Variants in PDE4D observed in about 807,000 individuals in gnomAD.
PDE4D encodes the protein 3',5'-cyclic-AMP phosphodiesterase 4D.
Under a neutral mutation model 87.4 loss-of-function variants are expected in PDE4D, and 24 were observed. The observed-to-expected ratio is 0.27, with a 90% CI of 0.20 to 0.39. PDE4D has a LOEUF of 0.39. PDE4D is among the 10% of genes least tolerant of loss of function. The pLI, the probability that PDE4D is intolerant of heterozygous loss-of-function variation, is 1.00. For synonymous variants in PDE4D, 384 were observed against 383.2 expected, an observed-to-expected ratio of 1.00 and a Z score of -0.02; for missense variants, 714 against 1,041.0, an observed-to-expected ratio of 0.69 and a Z score of 4.32.
intron 2 of PDE4D, among the ~76,000 whole-genome samples, chr5:60,037,739 A>G (rs1200096839): frequency 6.6e-6 from 1 of 152,188 alleles, no homozygotes; most frequent in Non-Finnish European, 1.5e-5. Flanking sequence ...ATTTATGTGC[A>G]ATATTGTTTA....
chr5:59,282,587 G>C (rs1766035135), intron 1 of PDE4D, among the ~76,000 whole-genome samples: 1 of 139,254 alleles, frequency 7.2e-6, no homozygotes, highest in Non-Finnish European at 1.5e-5. Context: ...AGGTTGCAGT[G>C]AGCCGAGATC....
At chr5:59,132,910 A>T (rs970400956) in intron 5 of PDE4D, among the ~76,000 whole-genome samples, 1 of 152,204 alleles carries the variant, frequency 6.6e-6, no homozygotes. Context: ...TGCTAAAGGA[A>T]GGTCAATCAT....
chr5:60,341,959 G>T (rs1236260239), intron 1 of PDE4D, among the ~76,000 whole-genome samples: 1 of 152,162 alleles, frequency 6.6e-6, no homozygotes, highest in Non-Finnish European at 1.5e-5. Context: ...GACTCCATGA[G>T]GCTTAACTTC....
chr5:60,193,358 A>G (rs1050132310), intron 1 of PDE4D, among the ~76,000 whole-genome samples: 1 of 152,188 alleles, frequency 6.6e-6, no homozygotes, highest in African/African-American at 2.4e-5. Flanking sequence ...GTTAGAAAAT[A>G]AATGCAATAT....
At position 59,269,835 on chromosome 5, in the gene PDE4D, A is replaced by C. The variant is rs749165939; in HGVS notation, c.456-53867T>G. ...TCTAAAAATTACAGTATAAATATTC[A>C]TTTATATTAACTTCAACTCACATTT... is the stretch of plus-strand genomic sequence containing the variant. On this transcript the variant is annotated intron_variant, in intron 1 of 14. Coordinates refer to ENST00000340635, the MANE Select transcript of PDE4D (RefSeq NM_001104631.2). Among the ~76,000 whole-genome samples, 83 of 152,204 alleles carry C rather than the reference A, an allele frequency of 5.5e-4. 1 individual carries two copies. Among genetic ancestry groups the C allele is most frequent in the Admixed American group, 2.3e-3 (35 of 15,268 alleles).
At chr5:60,106,059 T>C (rs2409739) in intron 2 of PDE4D, among the ~76,000 whole-genome samples, 102,609 of 151,824 alleles carry the variant, frequency 0.68, 35,334 homozygotes, top group Middle Eastern at 0.71. Context: ...AGACACAGAC[T>C]GGCAAATTGG....
chr5:60,231,051 C>T (rs779809108), intron 1 of PDE4D, among the ~76,000 whole-genome samples: 3 of 151,870 alleles, frequency 2.0e-5, no homozygotes, highest in Middle Eastern at 3.4e-3. Flanking sequence ...TGTGTGTTCA[C>T]GCATAAAAGA....
intron 1 of PDE4D, among the ~76,000 whole-genome samples, chr5:59,716,581 C>T (rs1204219788): frequency 1.3e-5 from 2 of 152,200 alleles, no homozygotes; most frequent in Admixed American, 1.3e-4. Flanking sequence ...AGCAATTCAA[C>T]CTCTGGTCAC....
intron 1 of PDE4D, among the ~76,000 whole-genome samples, chr5:59,242,874 C>T (rs780697763): frequency 6.6e-6 from 1 of 152,170 alleles, no homozygotes; most frequent in Admixed American, 6.6e-5. Flanking sequence ...AATTCTCCAT[C>T]GTTATACTGG....
At chr5:59,009,071 T>C (rs1752242639) in intron 6 of PDE4D, among the ~76,000 whole-genome samples, 1 of 151,996 alleles carries the variant, frequency 6.6e-6, no homozygotes, top group East Asian at 1.9e-4. Context: ...ATACAAACAA[T>C]ACAAAATGCT....
chr5:59,364,364 T>G (rs1782706619), intron 1 of PDE4D, among the ~76,000 whole-genome samples: 1 of 142,704 alleles, frequency 7.0e-6, no homozygotes, highest in African/African-American at 2.5e-5. Context: ...TTTTAGAGAA[T>G]AAGCCATTTT....
chr5:60,134,122 A>C (rs1440865148), intron 2 of PDE4D, among the ~76,000 whole-genome samples: 2 of 152,192 alleles, frequency 1.3e-5, no homozygotes, highest in African/African-American at 4.8e-5. Flanking sequence ...AACTATACCA[A>C]ATTTTTATTT....
At chr5:59,425,269 G>A (rs557733218) in intron 1 of PDE4D, among the ~76,000 whole-genome samples, 1 of 152,230 alleles carries the variant, frequency 6.6e-6, no homozygotes, top group East Asian at 1.9e-4. Flanking sequence ...CAATCATCTA[G>A]ATATAAATAA....
At chr5:60,154,160 C>A (rs969781707) in intron 2 of PDE4D, among the ~76,000 whole-genome samples, 8 of 152,134 alleles carry the variant, frequency 5.3e-5, no homozygotes, top group Non-Finnish European at 7.3e-5. Context: ...CTTACTGCTT[C>A]CCATGGCATC....
intron 11 of PDE4D, among the ~76,000 whole-genome samples, chr5:58,983,581 T>C (rs1237202607): frequency 1.3e-5 from 2 of 152,186 alleles, no homozygotes; most frequent in African/African-American, 2.4e-5. Flanking sequence ...TAGTTAGTTA[T>C]CTTTCTTTGG....
Position 59,594,286 on chromosome 5 carries a change from T to TTTTTA in PDE4D, c.455+298877_455+298881dup, listed in dbSNP as rs1384533253. ...TTACCACACCACCACCCACATAACT[T>TTTTTA]TTTTATTTTATTTATTTATTTATTT... On this transcript the variant is annotated intron_variant, in intron 1 of 14. Transcript: ENST00000340635. Among the ~76,000 whole-genome samples, 69 of 149,036 alleles carry TTTTTA rather than the reference T, an allele frequency of 4.6e-4. 1 individual carries two copies. The South Asian group carries it at 5.6e-3, about 12-fold the overall frequency.
At chr5:59,167,159 A>G (rs942620762) in intron 5 of PDE4D, among the ~76,000 whole-genome samples, 1 of 152,160 alleles carries the variant, frequency 6.6e-6, no homozygotes, top group Non-Finnish European at 1.5e-5. Flanking sequence ...GATCTAACAC[A>G]TCGGCGTGAC....
At chr5:60,062,359 G>A (rs1248035755) in intron 2 of PDE4D, among the ~76,000 whole-genome samples, 2 of 152,116 alleles carry the variant, frequency 1.3e-5, no homozygotes, top group Non-Finnish European at 2.9e-5. Flanking sequence ...AAACCACAAT[G>A]AGATACCATC....
At chr5:59,464,190 C>T (rs1801209097) in intron 1 of PDE4D, among the ~76,000 whole-genome samples, 1 of 152,164 alleles carries the variant, frequency 6.6e-6, no homozygotes, top group Non-Finnish European at 1.5e-5. Context: ...TGACCGTCCC[C>T]CAGCCCGACA....
Sources: allele counts gnomAD v4.1 joint callset (sites outside exome capture counted in the v4.1 genomes callset), GRCh38; gene constraint gnomAD v4.1.1; transcripts MANE v1.5; gene names NCBI Gene and HGNC (gene_info 2026-07-23, HGNC 2026-07-21).